The following EXOC6B variants were observed in gnomAD, a reference collection of about 807,000 sequenced individuals.
The protein encoded by EXOC6B is SEC15 homolog B.
In EXOC6B, 54 loss-of-function variants were observed where a neutral mutation model predicts 113.5. That is an observed-to-expected ratio of 0.48 (90% confidence interval 0.38 to 0.60). The LOEUF is 0.60. EXOC6B is among the 20% of genes least tolerant of loss of function. The probability of loss-of-function intolerance (pLI) is 0.00; values close to 1 mark genes in which losing one functional copy is unlikely to be tolerated. For missense variants in EXOC6B, 797 were observed against 977.5 expected, an observed-to-expected ratio of 0.82 and a Z score of 2.46; for synonymous variants, 357 against 339.0, an observed-to-expected ratio of 1.05 and a Z score of -0.58.
At chr2:72,199,258 C>T (rs1483345336) in intron 20 of EXOC6B, among the ~76,000 whole-genome samples, 1 of 152,084 alleles carries the variant, frequency 6.6e-6, no homozygotes, top group African/African-American at 2.4e-5. Context: ...AAGGGTAAGG[C>T]TACCTTACAG....
intron 20 of EXOC6B, among the ~76,000 whole-genome samples, chr2:72,329,347 CT>C (rs1369732964): frequency 5.3e-5 from 8 of 152,032 alleles, no homozygotes; most frequent in African/African-American, 1.9e-4. Context: ...CATCTCTGAC[CT>C]TTTGAGATAT....
chr2:72,302,391 C>A (rs1159484921), intron 20 of EXOC6B, among the ~76,000 whole-genome samples: 1 of 152,046 alleles, frequency 6.6e-6, no homozygotes, highest in Non-Finnish European at 1.5e-5. Flanking sequence ...TCCTGAATGT[C>A]TTTGTTAATT....
intron 1 of EXOC6B, among the ~76,000 whole-genome samples, chr2:72,779,074 G>C (rs1161184206): frequency 1.3e-5 from 2 of 151,934 alleles, no homozygotes; most frequent in African/African-American, 4.8e-5. Context: ...ATAAAGGACT[G>C]TTCTAAACAT....
At chr2:72,400,609 C>T (rs533745795) in intron 18 of EXOC6B, among the ~76,000 whole-genome samples, 2 of 151,148 alleles carry the variant, frequency 1.3e-5, no homozygotes, top group African/African-American at 4.8e-5. Context: ...AAATAAATAA[C>T]CCCATTAAAA....
At chr2:72,425,261 C>T (rs1405035102) in intron 18 of EXOC6B, among the ~76,000 whole-genome samples, 1 of 152,094 alleles carries the variant, frequency 6.6e-6, no homozygotes, top group Non-Finnish European at 1.5e-5. Flanking sequence ...ATACATACAA[C>T]TGTCAGGTTT....
chr2:72,575,475 C>T lies in EXOC6B; in HGVS notation c.846+17G>A. On this transcript the variant is annotated intron_variant, in intron 7 of 21. Transcript: ENST00000272427. ...GCTTAAAAATAGTCTCACTTCCCAA[C>T]ATCAAATGTTACTTACCTCTTCATC... 1 of 1,594,618 alleles carries T rather than the reference C, an allele frequency of 6.3e-7. No homozygotes were observed. The highest frequency in any genetic ancestry group is 8.5e-7 in the Non-Finnish European group (1 of 1,173,234).
chr2:72,324,290 A>G (rs1688004720), intron 20 of EXOC6B, among the ~76,000 whole-genome samples: 1 of 152,222 alleles, frequency 6.6e-6, no homozygotes, highest in African/African-American at 2.4e-5. Context: ...TATGCTCAGA[A>G]GAGCTCAGAA....
chr2:72,714,773 A>G (rs1679499889), intron 6 of EXOC6B, among the ~76,000 whole-genome samples: 1 of 152,210 alleles, frequency 6.6e-6, no homozygotes, highest in South Asian at 2.1e-4. Context: ...AGAAGCATGA[A>G]GCAAGGGCTA....
At chr2:72,399,540 C>A (rs1409004770) in intron 18 of EXOC6B, among the ~76,000 whole-genome samples, 1 of 152,090 alleles carries the variant, frequency 6.6e-6, no homozygotes, top group Non-Finnish European at 1.5e-5. Flanking sequence ...TGATTCTATA[C>A]CCTAAAGACA....
chr2:72,327,300 C>G (rs1688180944), intron 20 of EXOC6B, among the ~76,000 whole-genome samples: 1 of 151,984 alleles, frequency 6.6e-6, no homozygotes, highest in African/African-American at 2.4e-5. Context: ...ATCAGCCCTT[C>G]CACCTTCCCT....
intron 6 of EXOC6B, among the ~76,000 whole-genome samples, chr2:72,675,613 C>A (rs1378754556): frequency 6.6e-6 from 1 of 152,002 alleles, no homozygotes; most frequent in Non-Finnish European, 1.5e-5. Flanking sequence ...GGAAACATGG[C>A]AAAATCCTGT....
chr2:72,277,080 C>T (rs1573156000), intron 20 of EXOC6B, among the ~76,000 whole-genome samples: 1 of 152,228 alleles, frequency 6.6e-6, no homozygotes, highest in East Asian at 1.9e-4. Flanking sequence ...TGCTGATTTC[C>T]AAATCAGGGA....
intron 18 of EXOC6B, among the ~76,000 whole-genome samples, chr2:72,458,760 A>C (rs1030434843): frequency 6.6e-6 from 1 of 152,142 alleles, no homozygotes; most frequent in African/African-American, 2.4e-5. Flanking sequence ...CATGCATTTT[A>C]ATTCAGACAA....
rs2105589354 is a variant in EXOC6B at position 72,499,922 on chromosome 2, C to T, written c.1218G>A (p.Val406=). The T allele has an allele frequency of 1.9e-6, 3 of 1,553,336 alleles. No individual in the cohort carries two copies. Among genetic ancestry groups the T allele is most frequent in the East Asian group, 4.8e-5 (2 of 41,274 alleles). ...NLVLDLKNLI[V]LFADTLQVYG... is the part of the protein sequence containing the mutation. ...ATACCTGAAGTGTGTCAGCAAAAAGCACAATGAGGTTCTTCAAATCTAACA... is the reference window on the plus strand; with the variant it reads ...ATACCTGAAGTGTGTCAGCAAAAAGTACAATGAGGTTCTTCAAATCTAACA... The change falls in exon 12 of 22, where the codon GTG becomes GTA. Residue 406 remains valine (V), a synonymous_variant. Coordinates refer to ENST00000272427, the MANE Select transcript of EXOC6B (RefSeq NM_015189.3).
At position 72,372,914 on chromosome 2, in the gene EXOC6B, A is replaced by G. The variant is rs552467535; in HGVS notation, c.2122+6815T>C. 5.9e-5 allele frequency among the ~76,000 whole-genome samples: 9 copies of G among 152,234 alleles called. No homozygotes were observed. In the East Asian group the frequency reaches 1.5e-3, roughly 26 times the overall value. The stretch of plus-strand genomic sequence containing the variant: ...TATGGTGGGAAAACTAGAAATCCAT[A>G]TGCAAAATAATGAAACTAGACCCCT... On this transcript the variant is annotated intron_variant, in intron 19 of 21. Transcript: ENST00000272427.
At chr2:72,706,067 AT>A (rs1203173539) in intron 6 of EXOC6B, among the ~76,000 whole-genome samples, 1 of 152,180 alleles carries the variant, frequency 6.6e-6, no homozygotes, top group African/African-American at 2.4e-5. Context: ...CTACATATTT[AT>A]TGTTCTAACA....
At chr2:72,790,533 C>T (rs1390249777) in intron 1 of EXOC6B, among the ~76,000 whole-genome samples, 1 of 152,174 alleles carries the variant, frequency 6.6e-6, no homozygotes, top group African/African-American at 2.4e-5. Context: ...ATGCTTTCAA[C>T]TTACTCTAGG....
intron 20 of EXOC6B, among the ~76,000 whole-genome samples, chr2:72,308,969 A>G (rs1424940152): frequency 2.0e-5 from 3 of 152,148 alleles, no homozygotes; most frequent in Non-Finnish European, 4.4e-5. Context: ...ATAAGAGAAA[A>G]ATAGTTTCTA....
chr2:72,470,516 C>T (rs1013460544), intron 17 of EXOC6B, among the ~76,000 whole-genome samples: 4 of 151,892 alleles, frequency 2.6e-5, no homozygotes, highest in East Asian at 1.9e-4. Context: ...TTGCACAACG[C>T]GCAGGTTTGA....
Sources: allele counts gnomAD v4.1 joint callset (sites outside exome capture counted in the v4.1 genomes callset), GRCh38; gene constraint gnomAD v4.1.1; transcripts MANE v1.5; gene names NCBI Gene and HGNC (gene_info 2026-07-23, HGNC 2026-07-21).